ATRNL1: variants seen among roughly 807,000 people sequenced by gnomAD.
The protein encoded by ATRNL1 is attractin-like protein 1.
ATRNL1 carries 95 observed loss-of-function variants against 182.7 expected under a neutral mutation model. That is an observed-to-expected ratio of 0.52 (90% CI 0.44 to 0.62). The LOEUF is 0.62. Ranked by LOEUF, ATRNL1 falls within the 20% of genes least tolerant of loss-of-function variation. The pLI is 0.00. For missense variants in ATRNL1, 1,471 were observed against 1,679.5 expected (o/e 0.88, Z 2.17); for synonymous variants, 576 against 568.3 (o/e 1.01, Z -0.19).
intron 27 of ATRNL1, among the ~76,000 whole-genome samples, chr10:115,730,706 C>A (rs547227327): frequency 6.6e-6 from 1 of 152,188 alleles, no homozygotes; most frequent in South Asian, 2.1e-4. Context: ...GATTTCTTCC[C>A]TGAGATGAGC....
At chr10:115,096,548 TACAA>T (rs2085015258) in intron 1 of ATRNL1, 2 of 675,610 alleles carry the variant, frequency 3.0e-6, no homozygotes, top group Non-Finnish European at 4.6e-6. Flanking sequence ...ATAGCAACCT[TACAA>T]ACAGACATTA....
intron 1 of ATRNL1, among the ~76,000 whole-genome samples, chr10:115,114,341 A>G (rs1844384729): frequency 6.6e-6 from 1 of 152,240 alleles, no homozygotes; most frequent in Non-Finnish European, 1.5e-5. Flanking sequence ...TGGTCTGAGC[A>G]ATGACTTCTT....
At chr10:115,366,402 C>T (rs1227158840) in intron 19 of ATRNL1, among the ~76,000 whole-genome samples, 1 of 152,026 alleles carries the variant, frequency 6.6e-6, no homozygotes, top group Non-Finnish European at 1.5e-5. Flanking sequence ...TATTTTGAGC[C>T]TATGTGTGTC....
chr10:115,827,233 T>G lies in ATRNL1; in HGVS notation c.3904-20644T>G, dbSNP rs545692985. ...ACAGCATTGACTTTAACTCATTGCT[T>G]TATAAAAACTGTAAACAACTAAACC... On this transcript the variant is annotated intron_variant, in intron 27 of 28. Transcript: ENST00000355044. Among the ~76,000 whole-genome samples the G allele has an allele frequency of 1.2e-4, 19 of 152,254 alleles. 1 individual carries two copies. In the South Asian group the frequency reaches 3.9e-3, roughly 32 times the overall value.
rs529947665 is a variant in ATRNL1 at position 115,794,106 on chromosome 10, G to A, written c.3904-53771G>A. ...TTTATGAGACAATCCTAAAGAAGTC[G>A]GACTATTTGGATTTGGGATTAACAT... On this transcript the variant is annotated intron_variant, in intron 27 of 28. Transcript: ENST00000355044. Among the ~76,000 whole-genome samples the A allele has an allele frequency of 1.2e-4, 18 of 152,182 alleles. No homozygotes were observed. In the East Asian group the frequency reaches 1.5e-3, roughly 13 times the overall value.
At chr10:115,778,372 AT>A (rs764357169) in intron 27 of ATRNL1, among the ~76,000 whole-genome samples, 121 of 152,364 alleles carry the variant, frequency 7.9e-4, no homozygotes, top group Admixed American at 9.8e-4. Flanking sequence ...GTCAAATGCC[AT>A]TTAAAAAGAC....
rs1254527293 is a variant in ATRNL1 at position 115,301,907 on chromosome 10, A to G, written c.2682A>G (p.Thr894=). The change falls in exon 17 of 29, where the codon ACA becomes ACG. Residue 894 remains threonine, a synonymous_variant. Transcript: ENST00000355044. The part of the protein sequence containing the change: ...RPCKKPCSLR[T]SCSNCTSNGM... ...GCAAAAAGCCATGCTCTCTGAGGAC[A>G]TCATGTTCCAACTGTACAAGCAATG... The G allele has an allele frequency of 6.2e-7, 1 of 1,613,878 alleles. No homozygotes were observed. The highest frequency in any genetic ancestry group is 8.5e-7 in the Non-Finnish European group (1 of 1,179,860).
chr10:115,545,937 A>G (rs1485390994), intron 25 of ATRNL1, among the ~76,000 whole-genome samples: 1 of 152,158 alleles, frequency 6.6e-6, no homozygotes, highest in African/African-American at 2.4e-5. Flanking sequence ...TAATACTTTG[A>G]ACCTTAGACA....
At chr10:115,667,232 T>C (rs2133918955) in intron 26 of ATRNL1, among the ~76,000 whole-genome samples, 1 of 152,236 alleles carries the variant, frequency 6.6e-6, no homozygotes, top group East Asian at 1.9e-4. Context: ...CACTCCCTTC[T>C]AAAAAGGTCT....
chr10:115,719,379 A>G (rs1234770531), intron 26 of ATRNL1, among the ~76,000 whole-genome samples: 4 of 152,214 alleles, frequency 2.6e-5, no homozygotes, highest in African/African-American at 9.7e-5. Context: ...CATCTGCATA[A>G]TCAAAGTTTT....
intron 13 of ATRNL1, among the ~76,000 whole-genome samples, chr10:115,281,027 G>A (rs1852336292): frequency 6.6e-6 from 1 of 152,134 alleles, no homozygotes; most frequent in Admixed American, 6.5e-5. Flanking sequence ...TGAATATTTT[G>A]CAGTTTGTCC....
chr10:115,780,844 G>A (rs1169053715), intron 27 of ATRNL1, among the ~76,000 whole-genome samples: 2 of 152,178 alleles, frequency 1.3e-5, no homozygotes, highest in Non-Finnish European at 2.9e-5. Context: ...TAGGCTTTGA[G>A]TGAGACTCAG....
At chr10:115,804,739 C>T (rs1429681343) in intron 27 of ATRNL1, among the ~76,000 whole-genome samples, 3 of 152,174 alleles carry the variant, frequency 2.0e-5, no homozygotes, top group Admixed American at 1.3e-4. Flanking sequence ...GTTGTAACAT[C>T]ACGTAGTGGA....
In ATRNL1 at chr10:115,842,291, T is replaced by C. The variant is rs114592145; in HGVS notation, c.3904-5586T>C. Among the ~76,000 whole-genome samples, 838 of 152,230 alleles carry C rather than the reference T, an allele frequency of 5.5e-3. 6 individuals are homozygous for C. Among genetic ancestry groups the C allele is most frequent in the African/African-American group, 0.019 (786 of 41,554 alleles). Reference sequence around the variant, plus strand: ...GCGATGGTGGCCATTTAGTCTTATGTGATGTATTCATCATATGGTATAAAA... The same window carrying C: ...GCGATGGTGGCCATTTAGTCTTATGCGATGTATTCATCATATGGTATAAAA... On this transcript the variant is annotated intron_variant, in intron 27 of 28. Transcript: ENST00000355044.
intron 26 of ATRNL1, among the ~76,000 whole-genome samples, chr10:115,651,848 T>C (rs150790203): frequency 0.014 from 2,075 of 152,252 alleles, 131 homozygotes; most frequent in Admixed American, 0.11. Flanking sequence ...TCATCATCCT[T>C]CTATATGGCA....
At chr10:115,757,176 T>C (rs914602846) in intron 27 of ATRNL1, among the ~76,000 whole-genome samples, 6 of 152,178 alleles carry the variant, frequency 3.9e-5, no homozygotes, top group African/African-American at 1.4e-4. Context: ...TTAATATTGT[T>C]ATGTGTGAAT....
chr10:115,121,878 G>A (rs1554871759), intron 3 of ATRNL1, 66 bp downstream of exon 3: 1 of 700,370 alleles, frequency 1.4e-6, no homozygotes, highest in Non-Finnish European at 2.4e-6. Flanking sequence ...AATATATATT[G>A]ATATGTACTG....
At chr10:115,139,323 A>G (rs1370175998) in intron 5 of ATRNL1, among the ~76,000 whole-genome samples, 4 of 152,050 alleles carry the variant, frequency 2.6e-5, no homozygotes, top group Non-Finnish European at 4.4e-5. Context: ...GCTCCACTCT[A>G]CTGGTACCAA....
At chr10:115,367,252 G>A (rs10885697) in intron 19 of ATRNL1, among the ~76,000 whole-genome samples, 22,336 of 108,884 alleles carry the variant, frequency 0.21, 1,664 homozygotes, top group Middle Eastern at 0.31. Flanking sequence ...TTCCCTTCTC[G>A]CTTCATTTCA....
Sources: allele counts gnomAD v4.1 joint callset (sites outside exome capture counted in the v4.1 genomes callset), GRCh38; gene constraint gnomAD v4.1.1; transcripts MANE v1.5; gene names NCBI Gene and HGNC (gene_info 2026-07-23, HGNC 2026-07-21).